Variants in FGF13 observed in about 807,000 individuals in gnomAD.
The protein encoded by FGF13 is fibroblast growth factor homologous factor 2.
A neutral mutation model predicts 19.5 loss-of-function variants in FGF13; 2 were observed. The observed-to-expected ratio is 0.10, with a 90% CI of 0.04 to 0.32. The LOEUF (loss-of-function observed/expected upper bound fraction) is 0.32, where lower values mean the gene tolerates loss of function less well. Ranked by LOEUF, FGF13 falls within the 10% of genes least tolerant of loss-of-function variation. FGF13 has a pLI of 1.00. For synonymous variants in FGF13, 72 were observed against 76.9 expected, an observed-to-expected ratio of 0.94 and a Z score of 0.33; for missense variants, 113 against 192.7, an observed-to-expected ratio of 0.59 and a Z score of 2.45.
At chrX:138,911,436 G>C (rs1003222553) in intron 1 of FGF13, among the ~76,000 whole-genome samples, 2 of 109,274 alleles carry the variant, frequency 1.8e-5, no homozygotes, top group Admixed American at 9.8e-5. Flanking sequence ...CACACAGAGG[G>C]GGGCAACACA....
At chrX:138,823,419 G>A (rs950555009) in intron 3 of FGF13, among the ~76,000 whole-genome samples, 4 of 110,953 alleles carry the variant, frequency 3.6e-5, no homozygotes, top group Admixed American at 9.6e-5. Flanking sequence ...CCGCTGGCAG[G>A]ATAAACACAC....
chrX:138,811,210 G>T (rs2090921625), intron 3 of FGF13, among the ~76,000 whole-genome samples: 1 of 111,656 alleles, frequency 9.0e-6, no homozygotes, highest in African/African-American at 3.3e-5. Flanking sequence ...GTCCATCAAT[G>T]ATAGACTGGA....
intron 1 of FGF13, among the ~76,000 whole-genome samples, chrX:139,102,142 A>G (rs1255679939): frequency 6.2e-5 from 7 of 112,195 alleles, no homozygotes; most frequent in South Asian, 7.4e-4. Flanking sequence ...ATAGCATGAT[A>G]ATTATTATAA....
chrX:138,909,168 A>G, intron 1 of FGF13, among the ~76,000 whole-genome samples: 1 of 111,797 alleles, frequency 8.9e-6, no homozygotes, highest in East Asian at 2.8e-4. Flanking sequence ...TCTTATAGCC[A>G]AAAGGATTTT....
At chrX:138,852,530 C>T (rs1412863174), downstream of FGF13, among the ~76,000 whole-genome samples, 1 of 111,776 alleles carries the variant, frequency 8.9e-6, no homozygotes, top group Non-Finnish European at 1.9e-5. Context: ...GGACCTCTTC[C>T]TTGTACCTTA....
intron 2 of FGF13, among the ~76,000 whole-genome samples, chrX:138,858,323 A>G (rs2091269947): frequency 8.9e-6 from 1 of 111,934 alleles, no homozygotes; most frequent in Non-Finnish European, 1.9e-5. Flanking sequence ...GCCTGGTTTA[A>G]TAATTTTGGC....
chrX:138,824,925 C>T (rs975392478), intron 3 of FGF13, among the ~76,000 whole-genome samples: 3 of 111,885 alleles, frequency 2.7e-5, no homozygotes, highest in African/African-American at 9.7e-5. Flanking sequence ...CATGCTCAAC[C>T]ATTTTCTCCT....
At chrX:138,712,651 C>G (rs1335404283), upstream of FGF13, among the ~76,000 whole-genome samples, 1 of 111,497 alleles carries the variant, frequency 9.0e-6, no homozygotes, top group African/African-American at 3.3e-5. Context: ...AATGGCCTGT[C>G]TACATCCCTA....
chrX:139,000,550 A>G (rs1481343181), intron 1 of FGF13, among the ~76,000 whole-genome samples: 1 of 111,679 alleles, frequency 9.0e-6, no homozygotes, highest in African/African-American at 3.3e-5. Flanking sequence ...TAACAGACAA[A>G]CAGAGAGCAA....
intron 1 of FGF13, among the ~76,000 whole-genome samples, chrX:139,002,180 G>A (rs748109256): frequency 1.8e-5 from 2 of 110,419 alleles, no homozygotes; most frequent in South Asian, 8.0e-4. Flanking sequence ...TCACATGCCA[G>A]GGCCTGTTGG....
At chrX:138,891,372 G>A (rs114707867) in intron 1 of FGF13, among the ~76,000 whole-genome samples, 4,060 of 111,256 alleles carry the variant, frequency 0.036, 182 homozygotes, top group African/African-American at 0.13. Context: ...TCTGGTGAGG[G>A]CTCACTTCCT....
chrX:138,899,036 C>T (rs2091518113), intron 1 of FGF13, among the ~76,000 whole-genome samples: 2 of 111,191 alleles, frequency 1.8e-5, no homozygotes, highest in Admixed American at 9.6e-5. Context: ...ATCACGATTC[C>T]AGCCGTCAAG....
intron 1 of FGF13, among the ~76,000 whole-genome samples, chrX:138,991,340 ATATTG>A (rs2092014942): frequency 8.9e-6 from 1 of 112,308 alleles, no homozygotes; most frequent in South Asian, 3.7e-4. Context: ...TTGCTCTCAT[ATATTG>A]CATGCCTACT....
chrX:138,898,721 G>C (rs768167589), intron 1 of FGF13, among the ~76,000 whole-genome samples: 2 of 111,558 alleles, frequency 1.8e-5, no homozygotes, highest in Non-Finnish European at 3.8e-5. Flanking sequence ...GGATAAAAAA[G>C]AGAATCATTT....
rs1258370354 is a variant in FGF13 at position 138,627,335 on chromosome X, C to T, written c.*5515G>A. 1 of 111,676 alleles carries T rather than the reference C, an allele frequency of 9.0e-6. No homozygotes were observed. Among genetic ancestry groups the T allele is most frequent in the Non-Finnish European group, 1.9e-5 (1 of 53,180 alleles). 9.2% of individuals were successfully genotyped at this position (111,676 alleles called of 1,213,427 possible). A position where few individuals can be genotyped will look rare whatever the true frequency, so the allele number is the denominator to read the frequency against. On this transcript the variant is annotated 3_prime_UTR_variant, in exon 5 of 5. Transcript: ENST00000315930. ...TCTTACTCTAATTGCTAACTTTACACAGCATTAAAAACAAATTATTAAGAG... is the reference window on the plus strand; with the variant it reads ...TCTTACTCTAATTGCTAACTTTACATAGCATTAAAAACAAATTATTAAGAG...
intron 1 of FGF13, among the ~76,000 whole-genome samples, chrX:139,069,371 C>A (rs1353574282): frequency 7.9e-5 from 6 of 75,773 alleles, no homozygotes; most frequent in African/African-American, 3.0e-4. Context: ...GAACAAAAAA[C>A]CAAACACCGC....
intron 3 of FGF13, among the ~76,000 whole-genome samples, chrX:138,809,609 G>A (rs2090903809): frequency 9.0e-6 from 1 of 111,280 alleles, no homozygotes; most frequent in Non-Finnish European, 1.9e-5. Context: ...AATCAAGCAT[G>A]AGAAAGAAAT....
intron 3 of FGF13, among the ~76,000 whole-genome samples, chrX:138,665,994 T>C (rs2089539289): frequency 9.0e-6 from 1 of 111,571 alleles, no homozygotes; most frequent in Admixed American, 9.5e-5. Context: ...GTGAAACCAT[T>C]CCCAGTGTTT....
chrX:138,739,648 A>C (rs2090306102), upstream of FGF13, among the ~76,000 whole-genome samples: 1 of 112,044 alleles, frequency 8.9e-6, no homozygotes, highest in African/African-American at 3.2e-5. Context: ...ACATTAGAGA[A>C]GTTTTTGGAG....
Sources: gnomAD v4.1 joint callset for allele counts (sites outside exome capture counted in the v4.1 genomes callset) on GRCh38, gnomAD v4.1.1 for gene constraint, MANE v1.5 for transcripts, NCBI Gene and HGNC (gene_info 2026-07-23, HGNC 2026-07-21) for gene names.